EHBP1: variants seen among roughly 807,000 people sequenced by gnomAD.
The protein encoded by EHBP1 is EH domain-binding protein 1.
Under a neutral mutation model 144.0 loss-of-function variants are expected in EHBP1, and 55 were observed. That is an observed-to-expected ratio of 0.38 (90% CI 0.31 to 0.48). The LOEUF (loss-of-function observed/expected upper bound fraction) is 0.48. EHBP1 is among the 20% of genes least tolerant of loss of function. The pLI is 0.98. For synonymous variants in EHBP1, 469 were observed against 472.7 expected (o/e 0.99, Z 0.10); for missense variants, 1,200 against 1,364.2 (o/e 0.88, Z 1.90).
Position 62,948,898 on chromosome 2 carries a change from T to C in EHBP1, c.2052T>C (p.Asp684=). The change falls in exon 13 of 23, where the codon GAT becomes GAC. Residue 684 remains aspartate (D), a synonymous_variant. Transcript: ENST00000431489. ...MSPPFICEET[D]EQKLQTLDIG... is the part of the protein sequence containing the mutation. ...CACCCTTTATTTGTGAGGAGACAGA[T>C]GAACAAAAGCTTCAAACTCTAGACA... The C allele has an allele frequency of 1.2e-6, 2 of 1,613,952 alleles. No homozygotes were observed. The highest frequency in any genetic ancestry group is 1.7e-6 in the Non-Finnish European group (2 of 1,179,948).
chr2:62,949,672 A>G (rs1170593277), intron 13 of EHBP1, among the ~76,000 whole-genome samples: 1 of 152,178 alleles, frequency 6.6e-6, no homozygotes, highest in East Asian at 1.9e-4. Flanking sequence ...AATATTTCCC[A>G]TTTAAAACAT....
intron 5 of EHBP1, among the ~76,000 whole-genome samples, chr2:62,816,455 C>G (rs935830427): frequency 6.6e-6 from 1 of 152,088 alleles, no homozygotes; most frequent in African/African-American, 2.4e-5. Context: ...CTTTGGAGTT[C>G]TCAAATAAAG....
intron 7 of EHBP1, among the ~76,000 whole-genome samples, chr2:62,857,918 C>T (rs1018893928): frequency 2.7e-5 from 4 of 149,314 alleles, no homozygotes; most frequent in Non-Finnish European, 5.9e-5. Context: ...GTTTTAGTGC[C>T]GATTTTTAAA....
intron 5 of EHBP1, among the ~76,000 whole-genome samples, chr2:62,784,897 A>C (rs1319694232): frequency 6.6e-6 from 1 of 152,182 alleles, no homozygotes; most frequent in East Asian, 1.9e-4. Context: ...GAAAACATAT[A>C]GATTTGCCCA....
chr2:62,926,399 T>C (rs1044392726), intron 10 of EHBP1, among the ~76,000 whole-genome samples: 1 of 152,006 alleles, frequency 6.6e-6, no homozygotes, highest in Non-Finnish European at 1.5e-5. Context: ...AAAGACAACC[T>C]ACAGAATGGA....
At chr2:62,826,055 A>AT (rs763463829) in intron 5 of EHBP1, 32 bp from the exon 6 acceptor site, 3 of 1,425,104 alleles carry the variant, frequency 2.1e-6, no homozygotes, top group Non-Finnish European at 2.8e-6. Flanking sequence ...ATAACTCAAA[A>AT]TTACATACTT....
chr2:62,955,152 G>C (rs1453173859), intron 13 of EHBP1, among the ~76,000 whole-genome samples: 2 of 151,740 alleles, frequency 1.3e-5, no homozygotes, highest in Non-Finnish European at 2.9e-5. Context: ...AATTCTATAA[G>C]ACTAAAAATA....
intron 10 of EHBP1, among the ~76,000 whole-genome samples, chr2:62,882,882 C>A (rs2051582744): frequency 7.0e-6 from 1 of 143,734 alleles, no homozygotes. Flanking sequence ...AACTCCCTCT[C>A]AAAAAAAAAA....
intron 2 of EHBP1, among the ~76,000 whole-genome samples, chr2:62,725,259 T>C (rs1370715389): frequency 1.3e-5 from 2 of 152,138 alleles, no homozygotes. Context: ...TTGTGCCTTA[T>C]TTGCATGTGC....
At chr2:62,874,936 A>G (rs190235489) in intron 10 of EHBP1, among the ~76,000 whole-genome samples, 1 of 151,946 alleles carries the variant, frequency 6.6e-6, no homozygotes, top group Non-Finnish European at 1.5e-5. Flanking sequence ...CCCTGTTGTC[A>G]TTGATGGGCT....
chr2:63,010,764 T>TA (rs1179781810), intron 19 of EHBP1, among the ~76,000 whole-genome samples: 1 of 151,756 alleles, frequency 6.6e-6, no homozygotes, highest in Non-Finnish European at 1.5e-5. Flanking sequence ...ATAATTACAT[T>TA]AGTCTTGTAC....
intron 5 of EHBP1, among the ~76,000 whole-genome samples, chr2:62,781,837 T>G (rs2042442442): frequency 6.6e-6 from 1 of 152,232 alleles, no homozygotes; most frequent in Non-Finnish European, 1.5e-5. Context: ...ACCTGCCTCT[T>G]AAAATAAAAA....
chr2:63,045,113 G>C lies in EHBP1; in HGVS notation c.3325G>C (p.Asp1109His), dbSNP rs762739434. Residue 1109 changes from aspartate (D) to histidine (H), a missense_variant, in exon 22 of 23, where the codon GAT becomes CAT. Coordinates refer to ENST00000431489, the MANE Select transcript of EHBP1 (RefSeq NM_001142616.3). This position sits in a 1 kb window ranked among gnomAD's most constrained non-coding sequence, Gnocchi z 5.7. ...GAAGCGACGCGAACAGCTTCTGCTAGATGAGCTGGTGGCCCTGGTGAACAA... is the reference window on the plus strand; with the variant it reads ...GAAGCGACGCGAACAGCTTCTGCTACATGAGCTGGTGGCCCTGGTGAACAA... Reference protein sequence around the residue: ...AQKRREQLLLDELVALVNKRD... With the variant: ...AQKRREQLLLHELVALVNKRD... The C allele has an allele frequency of 1.5e-5, 24 of 1,593,292 alleles. No homozygotes were observed. The highest frequency in any genetic ancestry group is 1.8e-5 in the Non-Finnish European group (21 of 1,169,586).
intron 5 of EHBP1, among the ~76,000 whole-genome samples, chr2:62,816,636 T>G (rs951549250): frequency 6.6e-6 from 1 of 152,198 alleles, no homozygotes; most frequent in Non-Finnish European, 1.5e-5. Context: ...GAGGAGCCTG[T>G]AAAGAAGACT....
At chr2:62,919,557 A>C (rs985215415) in intron 10 of EHBP1, among the ~76,000 whole-genome samples, 5 of 152,208 alleles carry the variant, frequency 3.3e-5, no homozygotes, top group African/African-American at 9.7e-5. Flanking sequence ...AGAAGGGAAT[A>C]ATGACTTTTA....
chr2:62,975,695 G>A (rs761455857), intron 14 of EHBP1, among the ~76,000 whole-genome samples: 81 of 151,858 alleles, frequency 5.3e-4, no homozygotes, highest in Non-Finnish European at 7.5e-4. Context: ...ACCAACATGG[G>A]CAACACAGGG....
chr2:62,887,597 A>G (rs2052045958), intron 10 of EHBP1, among the ~76,000 whole-genome samples: 1 of 150,102 alleles, frequency 6.7e-6, no homozygotes, highest in Admixed American at 6.6e-5. Flanking sequence ...AAAAATAGCC[A>G]GTCTGGGTGC....
chr2:62,827,922 G>A (rs1029517398), intron 6 of EHBP1, among the ~76,000 whole-genome samples: 1 of 152,252 alleles, frequency 6.6e-6, no homozygotes, highest in South Asian at 2.1e-4. Flanking sequence ...GCCCACCTCG[G>A]CCTCCCAAAG....
intron 1 of EHBP1, among the ~76,000 whole-genome samples, chr2:62,678,063 T>C (rs2033373749): frequency 6.6e-6 from 1 of 152,218 alleles, no homozygotes; most frequent in Non-Finnish European, 1.5e-5. Flanking sequence ...CTCCAAATGT[T>C]GTCCACAGTG....
Sources: gnomAD v4.1 joint callset for allele counts (sites outside exome capture counted in the v4.1 genomes callset) on GRCh38, gnomAD v4.1.1 for gene constraint, Gnocchi (gnomAD v3.1) non-coding constraint, MANE v1.5 for transcripts, NCBI Gene and HGNC (gene_info 2026-07-23, HGNC 2026-07-21) for gene names.